Variants in EFCAB13 observed in about 807,000 individuals in gnomAD.
The protein encoded by EFCAB13 is EF-hand calcium binding domain 13, also known as EF-hand calcium-binding domain-containing protein 13.
EFCAB13 carries 91 observed loss-of-function variants against 110.2 expected under a neutral mutation model. That is an observed-to-expected ratio of 0.83 (90% CI 0.70 to 0.98). The LOEUF is 0.98. Among genes scored for constraint, EFCAB13 ranks in the 50% least tolerant of loss-of-function variants. The pLI is 0.00. For missense variants in EFCAB13, 968 were observed against 1,119.4 expected (o/e 0.86, Z 1.93); for synonymous variants, 323 against 369.9 (o/e 0.87, Z 1.45).
At chr17:47,381,914 G>A (rs2065649155) in intron 14 of EFCAB13, among the ~76,000 whole-genome samples, 1 of 152,108 alleles carries the variant, frequency 6.6e-6, no homozygotes, top group African/African-American at 2.4e-5. Flanking sequence ...TAGCTTGATG[G>A]GGATAGCACT....
rs1905309932 is a variant in EFCAB13, at chr17:47,440,925, A to G, written c.*211A>G. ...ATGCTTTTTGAGGTATAATGTACATATGGCAAAATTCACTCTTTTTAGGTA... is the reference window on the plus strand; with the variant it reads ...ATGCTTTTTGAGGTATAATGTACATGTGGCAAAATTCACTCTTTTTAGGTA... On this transcript the variant is annotated 3_prime_UTR_variant, in exon 25 of 25. Coordinates refer to ENST00000331493, the MANE Select transcript of EFCAB13 (RefSeq NM_152347.5). The G allele has an allele frequency of 7.8e-6, 3 of 382,504 alleles. No individual in the cohort carries two copies. The highest frequency in any genetic ancestry group is 4.3e-5 in the Admixed American group (1 of 23,262). 23.7% of individuals were successfully genotyped at this position (382,504 alleles called of 1,614,324 possible).
chr17:47,404,123 T>G, intron 19 of EFCAB13, 102 bp downstream of exon 19: 1 of 908,904 alleles, frequency 1.1e-6, no homozygotes. Context: ...ATGTAATCTT[T>G]GAAACGGAGC....
Position 47,359,105 on chromosome 17 carries a change from G to A in EFCAB13, c.662-2273G>A, listed in dbSNP as rs191389193. Among the ~76,000 whole-genome samples the A allele has an allele frequency of 1.0e-3, 153 of 152,244 alleles. 1 individual carries two copies. The highest frequency in any genetic ancestry group is 3.6e-3 in the African/African-American group (148 of 41,530). ...CCCAGCACTTTGGGAGGCCAAGGCGGGTGGATCACTTAAGCCCAGGAGTTC... is the reference window on the plus strand; with the variant it reads ...CCCAGCACTTTGGGAGGCCAAGGCGAGTGGATCACTTAAGCCCAGGAGTTC... On this transcript the variant is annotated intron_variant, in intron 9 of 24. Transcript: ENST00000331493.
rs140688022 is a variant in EFCAB13, at chr17:47,403,492, G to C, written c.2018-386G>C. 5.5e-3 allele frequency among the ~76,000 whole-genome samples: 840 copies of C among 152,266 alleles called. 15 individuals carry two copies. Among genetic ancestry groups the C allele is most frequent in the Non-Finnish European group, 3.4e-3 (234 of 68,024 alleles). ...CCTGGTGGAACTGAAAAGGAAAACT[G>C]AATGAGCCCTTGTAAATCTTGTCTC... On this transcript the variant is annotated intron_variant, in intron 18 of 24. Transcript: ENST00000331493.
rs191820656 is a variant in EFCAB13 at position 47,424,964 on chromosome 17, G to A, written c.2495-4854G>A. ...GTGGCGCGATCTCGGCTCACTGCAA[G>A]CTCCGCCTCCCGGGTTCACGCCATT... On this transcript the variant is annotated intron_variant, in intron 23 of 24. Transcript: ENST00000331493. Among the ~76,000 whole-genome samples the A allele has an allele frequency of 8.6e-3, 1,112 of 128,782 alleles. 17 individuals carry two copies. The highest frequency in any genetic ancestry group is 0.027 in the African/African-American group (916 of 33,504). 84.5% of individuals were successfully genotyped at this position (128,782 alleles called of 152,430 possible). A position where few individuals can be genotyped will look rare whatever the true frequency, so the allele number is the denominator to read the frequency against.
intron 14 of EFCAB13, among the ~76,000 whole-genome samples, chr17:47,381,125 G>A (rs957496214): frequency 1.4e-4 from 21 of 151,838 alleles, no homozygotes; most frequent in African/African-American, 5.1e-4. Flanking sequence ...CTTGTGATCT[G>A]CCCACATCAG....
chr17:47,388,666 C>G (rs930997075), intron 14 of EFCAB13, among the ~76,000 whole-genome samples: 10 of 152,056 alleles, frequency 6.6e-5, no homozygotes, highest in African/African-American at 2.4e-4. Context: ...GGCTCATGGA[C>G]ATTTGATTAT....
At chr17:47,332,901 A>G (rs141883117) in intron 4 of EFCAB13, among the ~76,000 whole-genome samples, 229 of 152,306 alleles carry the variant, frequency 1.5e-3, no homozygotes, top group African/African-American at 5.2e-3. Context: ...TCTTCAACAT[A>G]TTAATTTCAA....
intron 23 of EFCAB13, among the ~76,000 whole-genome samples, chr17:47,424,045 G>C (rs908990464): frequency 1.3e-5 from 2 of 152,142 alleles, no homozygotes; most frequent in African/African-American, 4.8e-5. Context: ...CGCTGCTCCG[G>C]GAGGTGCGCG....
At chr17:47,407,786 C>T (rs1362280637) in intron 20 of EFCAB13, among the ~76,000 whole-genome samples, 1 of 152,020 alleles carries the variant, frequency 6.6e-6, no homozygotes, top group African/African-American at 2.4e-5. Context: ...TTAGGGAGGT[C>T]AGCCATGGGC....
At chr17:47,361,708 G>A (rs780531996) in intron 10 of EFCAB13, among the ~76,000 whole-genome samples, 187 bp downstream of exon 10, 5 of 152,040 alleles carry the variant, frequency 3.3e-5, no homozygotes, top group Non-Finnish European at 5.9e-5. Context: ...TAAATGAGAG[G>A]TTTCTAAAAT....
chr17:47,360,027 G>T (rs1033304225), intron 9 of EFCAB13, among the ~76,000 whole-genome samples: 1 of 151,816 alleles, frequency 6.6e-6, no homozygotes, highest in African/African-American at 2.4e-5. Flanking sequence ...GTCTATCATT[G>T]TTGGACATTT....
At chr17:47,386,666 G>A (rs1232320439) in intron 14 of EFCAB13, among the ~76,000 whole-genome samples, 1 of 152,024 alleles carries the variant, frequency 6.6e-6, no homozygotes, top group Non-Finnish European at 1.5e-5. Flanking sequence ...GGGATTCCAG[G>A]TGCCTCTGGG....
intron 17 of EFCAB13, 108 bp from the exon 18 acceptor site, chr17:47,402,024 A>G (rs1453719872): frequency 1.3e-6 from 1 of 791,664 alleles, no homozygotes; most frequent in Admixed American, 2.2e-5. Flanking sequence ...TGAAAAGGAA[A>G]TATGATTCTT....
intron 16 of EFCAB13, among the ~76,000 whole-genome samples, chr17:47,394,978 C>T (rs151014768): frequency 3.3e-5 from 5 of 152,222 alleles, no homozygotes; most frequent in African/African-American, 1.2e-4. Context: ...CTGCTCAAAG[C>T]ATGTCTTCTT....
intron 20 of EFCAB13, among the ~76,000 whole-genome samples, chr17:47,409,107 A>G (rs558601257): frequency 2.0e-5 from 3 of 152,308 alleles, no homozygotes; most frequent in Admixed American, 2.0e-4. Context: ...AATAGAGTCC[A>G]TCTATGCAAA....
intron 8 of EFCAB13, among the ~76,000 whole-genome samples, chr17:47,347,038 C>G (rs2065420948): frequency 6.6e-6 from 1 of 152,104 alleles, no homozygotes. Context: ...GTGGGAGGAT[C>G]ATTTGAGACT....
At chr17:47,387,641 C>G (rs547178930) in intron 14 of EFCAB13, among the ~76,000 whole-genome samples, 7,581 of 152,248 alleles carry the variant, frequency 0.05, 251 homozygotes, top group East Asian at 0.11. Context: ...TCACACATTG[C>G]TGTCTTATTA....
chr17:47,336,292 A>ATTTTT (rs5820651), intron 5 of EFCAB13, among the ~76,000 whole-genome samples: 3 of 130,510 alleles, frequency 2.3e-5, no homozygotes, highest in Non-Finnish European at 4.9e-5. Context: ...ACACTCGGCT[A>ATTTTT]TTTTTTTTTT....
Sources: gnomAD v4.1 joint callset for allele counts (sites outside exome capture counted in the v4.1 genomes callset) on GRCh38, gnomAD v4.1.1 for gene constraint, MANE v1.5 for transcripts, NCBI Gene and HGNC (gene_info 2026-07-23, HGNC 2026-07-21) for gene names.